Variants in EPHA6 observed in about 807,000 individuals in gnomAD.
EPHA6 encodes the protein ephrin type-A receptor 6.
Under a neutral mutation model 112.0 loss-of-function variants are expected in EPHA6, and 50 were observed. The ratio of observed to expected loss-of-function variants is 0.45; its 90% confidence interval spans 0.36 to 0.56. The LOEUF is 0.56. EPHA6 is among the 20% of genes least tolerant of loss of function. The probability of loss-of-function intolerance (pLI) is 0.00; values close to 1 mark genes in which losing one functional copy is unlikely to be tolerated. For synonymous variants in EPHA6, 529 were observed against 490.7 expected (o/e 1.08, Z -1.03); for missense variants, 1,280 against 1,417.4 (o/e 0.90, Z 1.56).
At chr3:97,472,053 T>C (rs2091245509) in intron 7 of EPHA6, among the ~76,000 whole-genome samples, 1 of 151,710 alleles carries the variant, frequency 6.6e-6, no homozygotes, top group African/African-American at 2.4e-5. Flanking sequence ...CTTCTCCACT[T>C]TTCTCTCTCA....
intron 14 of EPHA6, among the ~76,000 whole-genome samples, chr3:97,654,636 G>T (rs2094127167): frequency 6.6e-6 from 1 of 151,834 alleles, no homozygotes; most frequent in Admixed American, 6.6e-5. Context: ...GAAAAGATTT[G>T]AAGTCAGAAT....
chr3:96,998,005 A>T (rs2043486606), intron 3 of EPHA6, among the ~76,000 whole-genome samples: 1 of 152,056 alleles, frequency 6.6e-6, no homozygotes, highest in South Asian at 2.1e-4. Context: ...ACTTGAAATT[A>T]TAATTTTAGC....
At chr3:97,403,489 C>G (rs567157843) in intron 5 of EPHA6, among the ~76,000 whole-genome samples, 87 of 152,300 alleles carry the variant, frequency 5.7e-4, no homozygotes, top group Non-Finnish European at 1.0e-3. Context: ...CTCTGTCGCC[C>G]AGGCTGGAAT....
chr3:97,736,099 C>T lies in EPHA6; in HGVS notation c.3109C>T (p.Leu1037=), dbSNP rs529602034. ...CCGAAATCCCAGTGCCCTTCACACC[C>T]TGGTGGAGGACATCCTTGTGTAAGA... ...LIRNPSALHT[L]VEDILVMPES... is the part of the protein sequence containing the mutation. The change falls in exon 16 of 18, where the codon CTG becomes TTG. Residue 1037 remains leucine, a synonymous_variant. Transcript: ENST00000389672. The T allele has an allele frequency of 1.2e-6, 2 of 1,611,754 alleles. No individual in the cohort carries two copies. Among genetic ancestry groups the T allele is most frequent in the African/African-American group, 1.3e-5 (1 of 74,864 alleles).
chr3:96,904,298 T>G (rs1421773950), intron 2 of EPHA6, among the ~76,000 whole-genome samples: 3 of 151,898 alleles, frequency 2.0e-5, no homozygotes, highest in Admixed American at 1.3e-4. Context: ...TGAGTTCATG[T>G]CCTTTATAGG....
intron 2 of EPHA6, among the ~76,000 whole-genome samples, chr3:96,969,772 A>C (rs1489452759): frequency 6.6e-6 from 1 of 152,006 alleles, no homozygotes; most frequent in East Asian, 1.9e-4. Flanking sequence ...TTAAAAATCT[A>C]GTATACATTG....
intron 1 of EPHA6, among the ~76,000 whole-genome samples, chr3:96,819,051 C>T (rs1015059275): frequency 2.1e-4 from 32 of 151,790 alleles, no homozygotes; most frequent in African/African-American, 7.3e-4. Flanking sequence ...GTTGTTTGTT[C>T]TGGTCTTGGG....
At chr3:96,931,915 C>T (rs888227070) in intron 2 of EPHA6, among the ~76,000 whole-genome samples, 2 of 152,174 alleles carry the variant, frequency 1.3e-5, no homozygotes, top group Non-Finnish European at 2.9e-5. Flanking sequence ...AGTAGGGTCT[C>T]TGTGTGTGCC....
chr3:97,195,573 C>T (rs948313553), intron 3 of EPHA6, among the ~76,000 whole-genome samples: 6 of 151,898 alleles, frequency 4.0e-5, no homozygotes, highest in African/African-American at 9.7e-5. Context: ...GTGTACTTAC[C>T]GTTACCAGTG....
chr3:96,860,823 C>T (rs961438456), intron 1 of EPHA6, among the ~76,000 whole-genome samples: 1 of 152,082 alleles, frequency 6.6e-6, no homozygotes, highest in Non-Finnish European at 1.5e-5. Context: ...TAGGTCTCAA[C>T]TGAATTTGCT....
At chr3:97,424,946 C>G (rs1329028527) in intron 6 of EPHA6, among the ~76,000 whole-genome samples, 3 of 151,740 alleles carry the variant, frequency 2.0e-5, no homozygotes, top group African/African-American at 7.3e-5. Flanking sequence ...CAAAATCAAA[C>G]AAGTCAGTAA....
At chr3:96,918,050 A>G (rs1250224755) in intron 2 of EPHA6, among the ~76,000 whole-genome samples, 2 of 152,158 alleles carry the variant, frequency 1.3e-5, no homozygotes, top group African/African-American at 2.4e-5. Context: ...TTACTACTTT[A>G]TATGTTTTTA....
At chr3:96,961,103 G>A (rs1337419531) in intron 2 of EPHA6, among the ~76,000 whole-genome samples, 1 of 152,224 alleles carries the variant, frequency 6.6e-6, no homozygotes, top group Non-Finnish European at 1.5e-5. Context: ...AGAGAGGGAA[G>A]GAAGAGCTTG....
intron 14 of EPHA6, chr3:97,646,230 A>G (rs301949): frequency 0.59 from 897,891 of 1,532,214 alleles, 264,322 homozygotes; most frequent in African/African-American, 0.69. Context: ...ACTGGTCCTC[A>G]TGTGGAAGAG....
At chr3:97,557,504 T>C (rs1291634704) in intron 11 of EPHA6, among the ~76,000 whole-genome samples, 2 of 151,948 alleles carry the variant, frequency 1.3e-5, no homozygotes, top group Non-Finnish European at 2.9e-5. Flanking sequence ...TATCTGGAAA[T>C]GTATAAGATG....
At chr3:97,535,639 A>ATAGC (rs1191611755) in intron 11 of EPHA6, among the ~76,000 whole-genome samples, 3 of 152,240 alleles carry the variant, frequency 2.0e-5, no homozygotes, top group Admixed American at 2.0e-4. Context: ...TAGCTAAGAG[A>ATAGC]TAGCTAGCAA....
At position 97,236,314 on chromosome 3, in the gene EPHA6, G is replaced by A. The variant is rs186360358; in HGVS notation, c.1271-7638G>A. On this transcript the variant is annotated intron_variant, in intron 4 of 17. Transcript: ENST00000389672. ...TTGTCAAGCAGAAAACACAAAGTAG[G>A]AGAAGATGGAGAGGAATGACGTAAG... Among the ~76,000 whole-genome samples, 25 of 151,914 alleles carry A rather than the reference G, an allele frequency of 1.6e-4. 1 individual carries two copies. In the East Asian group the frequency reaches 4.7e-3, roughly 29 times the overall value.
chr3:97,618,760 G>A (rs2093787597), intron 13 of EPHA6, among the ~76,000 whole-genome samples: 1 of 151,940 alleles, frequency 6.6e-6, no homozygotes, highest in Admixed American at 6.6e-5. Context: ...TGAAATTGAG[G>A]AAATAATAAA....
intron 6 of EPHA6, among the ~76,000 whole-genome samples, chr3:97,408,394 G>T (rs548189754): frequency 6.6e-6 from 1 of 151,686 alleles, no homozygotes; most frequent in South Asian, 2.1e-4. Flanking sequence ...TTTTCTTCCT[G>T]TGCCCTCTTT....
Sources: allele counts gnomAD v4.1 joint callset (sites outside exome capture counted in the v4.1 genomes callset), GRCh38; gene constraint gnomAD v4.1.1; transcripts MANE v1.5; gene names NCBI Gene and HGNC (gene_info 2026-07-23, HGNC 2026-07-21).